Variants in GLRA1 observed in about 807,000 individuals in gnomAD.
The protein encoded by GLRA1 is glycine receptor alpha 1.
A neutral mutation model predicts 48.3 loss-of-function variants in GLRA1; 37 were observed. That is an observed-to-expected ratio of 0.77 (90% CI 0.59 to 1.01). GLRA1 has a LOEUF of 1.01. Ranked by LOEUF, GLRA1 falls within the 50% of genes least tolerant of loss-of-function variation. The pLI is 0.00. For synonymous variants in GLRA1, 196 were observed against 210.7 expected (o/e 0.93, Z 0.60); for missense variants, 427 against 571.0 (o/e 0.75, Z 2.57).
intron 7 of GLRA1, among the ~76,000 whole-genome samples, chr5:151,846,011 ATT>A (rs1752667103): frequency 1.3e-5 from 2 of 152,202 alleles, no homozygotes; most frequent in African/African-American, 2.4e-5. Flanking sequence ...GAAAAGGCAA[ATT>A]TATACAGGTA....
chr5:151,830,125 A>T (rs551287507), intron 7 of GLRA1, among the ~76,000 whole-genome samples: 1 of 152,342 alleles, frequency 6.6e-6, no homozygotes, highest in Admixed American at 6.5e-5. Context: ...CCAGCTCCAT[A>T]GTAGCATTGA....
intron 7 of GLRA1, among the ~76,000 whole-genome samples, chr5:151,833,608 C>T (rs921370754): frequency 1.3e-5 from 2 of 152,084 alleles, no homozygotes; most frequent in Non-Finnish European, 2.9e-5. Context: ...GGATTACAGG[C>T]ATGCGCCACC....
At chr5:151,833,225 G>A (rs1362243594) in intron 7 of GLRA1, among the ~76,000 whole-genome samples, 1 of 152,162 alleles carries the variant, frequency 6.6e-6, no homozygotes, top group Non-Finnish European at 1.5e-5. Flanking sequence ...TTGACACTAT[G>A]AAGAAACCAC....
intron 7 of GLRA1, among the ~76,000 whole-genome samples, chr5:151,834,176 T>C (rs1412725711): frequency 2.0e-5 from 3 of 152,222 alleles, no homozygotes; most frequent in Non-Finnish European, 2.9e-5. Context: ...ATATACCTTC[T>C]TCTCAGCAAC....
chr5:151,922,157 T>C (rs534177777), intron 1 of GLRA1, among the ~76,000 whole-genome samples: 6 of 152,332 alleles, frequency 3.9e-5, no homozygotes, highest in African/African-American at 1.2e-4. Flanking sequence ...CCTGGGTGAC[T>C]GAGATGATTG....
intron 3 of GLRA1, among the ~76,000 whole-genome samples, chr5:151,869,899 G>T (rs1038744380): frequency 6.7e-6 from 1 of 149,484 alleles, no homozygotes; most frequent in African/African-American, 2.6e-5. Context: ...ACAGAGATAT[G>T]AATCCAGGAC....
At chr5:151,907,571 A>G (rs1442340256) in intron 1 of GLRA1, among the ~76,000 whole-genome samples, 1 of 152,242 alleles carries the variant, frequency 6.6e-6, no homozygotes, top group Non-Finnish European at 1.5e-5. Context: ...ATGTCACCCT[A>G]TGGATCAAAT....
chr5:151,918,781 A>G (rs1754797940), intron 1 of GLRA1, among the ~76,000 whole-genome samples: 1 of 152,168 alleles, frequency 6.6e-6, no homozygotes, highest in Non-Finnish European at 1.5e-5. Flanking sequence ...CTCTGCTTGC[A>G]CACTTCCACT....
intron 1 of GLRA1, among the ~76,000 whole-genome samples, chr5:151,914,296 T>G (rs187671675): frequency 6.6e-6 from 1 of 152,152 alleles, no homozygotes; most frequent in East Asian, 1.9e-4. Context: ...TGACGGCTAT[T>G]ATGGAGGGCT....
intron 1 of GLRA1, among the ~76,000 whole-genome samples, chr5:151,896,380 G>C (rs1325015447): frequency 6.6e-6 from 1 of 152,220 alleles, no homozygotes; most frequent in East Asian, 1.9e-4. Context: ...ATGCTACAAC[G>C]TAAGGGAAAG....
At chr5:151,864,211 G>A (rs989877057) in intron 3 of GLRA1, among the ~76,000 whole-genome samples, 2 of 152,096 alleles carry the variant, frequency 1.3e-5, no homozygotes, top group African/African-American at 4.8e-5. Context: ...ATGAATGGTT[G>A]GGCAGAAAAA....
chr5:151,883,695 C>T (rs1581642579), intron 3 of GLRA1, among the ~76,000 whole-genome samples: 1 of 152,240 alleles, frequency 6.6e-6, no homozygotes, highest in Admixed American at 6.5e-5. Flanking sequence ...CTGTGCTTTG[C>T]ACTTTCCATG....
chr5:151,844,911 C>T (rs529182489), intron 7 of GLRA1, among the ~76,000 whole-genome samples: 52 of 152,242 alleles, frequency 3.4e-4, no homozygotes, highest in Non-Finnish European at 6.8e-4. Flanking sequence ...AGGCTGCTTC[C>T]ACTCATGGTA....
intron 3 of GLRA1, among the ~76,000 whole-genome samples, chr5:151,879,831 C>T (rs112342175): frequency 0.022 from 3,273 of 152,180 alleles, 120 homozygotes; most frequent in African/African-American, 0.075. Context: ...GGGCCAGGAG[C>T]GGAATGATAT....
intron 1 of GLRA1, among the ~76,000 whole-genome samples, chr5:151,906,024 G>A (rs896406029): frequency 2.6e-5 from 4 of 152,146 alleles, no homozygotes; most frequent in Admixed American, 6.5e-5. Flanking sequence ...GAAATGGGGG[G>A]TGGGATAACA....
At chr5:151,850,107 T>A (rs958436672) in intron 7 of GLRA1, 7 of 1,604,064 alleles carry the variant, frequency 4.4e-6, no homozygotes, top group Non-Finnish European at 6.0e-6. Flanking sequence ...GACAGATGGG[T>A]ACCACTTTGG....
chr5:151,924,313 G>A (rs917527589), intron 1 of GLRA1, among the ~76,000 whole-genome samples, 181 bp downstream of exon 1: 2 of 151,432 alleles, frequency 1.3e-5, no homozygotes, highest in African/African-American at 4.9e-5. Context: ...CTGCGGGCGG[G>A]GGTGGGGTGG....
intron 7 of GLRA1, among the ~76,000 whole-genome samples, chr5:151,847,335 T>C (rs1315983536): frequency 1.3e-5 from 2 of 152,092 alleles, no homozygotes; most frequent in African/African-American, 4.8e-5. Context: ...TAGAATGAAG[T>C]ATCAAGTATT....
intron 7 of GLRA1, among the ~76,000 whole-genome samples, chr5:151,830,592 C>T (rs1581598525): frequency 6.6e-6 from 1 of 152,286 alleles, no homozygotes; most frequent in East Asian, 1.9e-4. Context: ...TAAACTGCCT[C>T]ACAGAATGTT....
Sources: gnomAD v4.1 joint callset for allele counts (sites outside exome capture counted in the v4.1 genomes callset) on GRCh38, gnomAD v4.1.1 for gene constraint, MANE v1.5 for transcripts, NCBI Gene and HGNC (gene_info 2026-07-23, HGNC 2026-07-21) for gene names.